The following NAV2 variants were observed in gnomAD, a reference collection of about 807,000 sequenced individuals.
The protein encoded by NAV2 is neuron navigator 2, also known as helicase, APC down-regulated 1.
Under a neutral mutation model 223.2 loss-of-function variants are expected in NAV2, and 54 were observed. That is an observed-to-expected ratio of 0.24 (90% CI 0.19 to 0.30). The LOEUF (loss-of-function observed/expected upper bound fraction) is 0.30, where lower values mean the gene tolerates loss of function less well. NAV2 is among the 10% of genes least tolerant of loss of function. The pLI is 1.00. For synonymous variants in NAV2, 1,279 were observed against 1,239.3 expected (o/e 1.03, Z -0.67); for missense variants, 2,806 against 3,147.5 (o/e 0.89, Z 2.60).
rs568306324 is a variant in NAV2, at chr11:19,941,213, C to G, written c.2146+1440C>G. Among the ~76,000 whole-genome samples, 3 of 152,150 alleles carry G rather than the reference C, an allele frequency of 2.0e-5. No individual in the cohort carries two copies. In the East Asian group the frequency reaches 5.8e-4, roughly 30 times the overall value. Reference sequence around the variant, plus strand: ...ATCTTCCCCTAATTTTTCTTTTTATCTCCATGTCTCCCCTGTACCAGGCCT... The same window carrying G: ...ATCTTCCCCTAATTTTTCTTTTTATGTCCATGTCTCCCCTGTACCAGGCCT... On this transcript the variant is annotated intron_variant, in intron 8 of 37. Transcript: ENST00000349880.
chr11:19,683,196 T>C (rs2048925154), intron 1 of NAV2, among the ~76,000 whole-genome samples: 2 of 152,214 alleles, frequency 1.3e-5, no homozygotes, highest in South Asian at 4.1e-4. Context: ...GTTTGGGAAG[T>C]CATCAGTGGC....
intron 6 of NAV2, among the ~76,000 whole-genome samples, chr11:19,922,184 A>C (rs1412199619): frequency 6.6e-6 from 1 of 151,894 alleles, no homozygotes; most frequent in Non-Finnish European, 1.5e-5. Context: ...TGGGTCTCTC[A>C]CTGTCCAGAC....
chr11:19,641,325 C>T (rs900268930), intron 1 of NAV2, among the ~76,000 whole-genome samples: 3 of 152,120 alleles, frequency 2.0e-5, no homozygotes, highest in Non-Finnish European at 4.4e-5. Flanking sequence ...TGTCTGCCTA[C>T]GAAATAAGTC....
intron 1 of NAV2, among the ~76,000 whole-genome samples, chr11:19,686,707 A>C: frequency 6.6e-6 from 1 of 152,246 alleles, no homozygotes; most frequent in East Asian, 1.9e-4. Flanking sequence ...AGAGCTCCAC[A>C]GTCCTAGACT....
At chr11:19,952,716 A>G (rs144334354) in intron 10 of NAV2, among the ~76,000 whole-genome samples, 200 of 152,218 alleles carry the variant, frequency 1.3e-3, no homozygotes, top group African/African-American at 4.7e-3. Context: ...CTATTTTTTG[A>G]TGCCTCTAGT....
chr11:19,779,635 A>T (rs1421220133), intron 1 of NAV2, among the ~76,000 whole-genome samples: 1 of 152,210 alleles, frequency 6.6e-6, no homozygotes, highest in Admixed American at 6.5e-5. Flanking sequence ...AGGCTGTTTT[A>T]CAACTCTCTT....
intron 1 of NAV2, among the ~76,000 whole-genome samples, chr11:19,499,873 T>A (rs529686979): frequency 6.6e-6 from 1 of 152,332 alleles, no homozygotes; most frequent in African/African-American, 2.4e-5. Flanking sequence ...TTAGATGAGT[T>A]CTAGCATACA....
chr11:19,819,269 T>A (rs1377101829), intron 1 of NAV2, among the ~76,000 whole-genome samples: 1 of 152,156 alleles, frequency 6.6e-6, no homozygotes, highest in Admixed American at 6.5e-5. Flanking sequence ...AATGAGTAAT[T>A]CTGTTAGGAG....
intron 26 of NAV2, among the ~76,000 whole-genome samples, chr11:20,085,767 C>T (rs926677391): frequency 1.3e-5 from 2 of 152,208 alleles, no homozygotes; most frequent in African/African-American, 4.8e-5. Context: ...CATTCTGTGT[C>T]CAGCCAGTGG....
At chr11:20,096,735 G>A (rs1836411424) in intron 30 of NAV2, among the ~76,000 whole-genome samples, 1 of 152,204 alleles carries the variant, frequency 6.6e-6, no homozygotes. Flanking sequence ...GCCTCATACA[G>A]AGAAAATTCT....
At chr11:19,884,195 C>A (rs902822711) in intron 5 of NAV2, 3 of 831,152 alleles carry the variant, frequency 3.6e-6, no homozygotes, top group African/African-American at 1.7e-5. Flanking sequence ...AAAGAAACAG[C>A]AACATCCCCA....
intron 1 of NAV2, among the ~76,000 whole-genome samples, chr11:19,430,277 T>C (rs115817216): frequency 1.1e-3 from 162 of 152,340 alleles, no homozygotes; most frequent in African/African-American, 3.6e-3. Context: ...GGCAGTTTCC[T>C]AGAGTCAGCT....
intron 10 of NAV2, among the ~76,000 whole-genome samples, chr11:19,962,103 C>A (rs1276029630): frequency 6.6e-6 from 1 of 151,508 alleles, no homozygotes; most frequent in Non-Finnish European, 1.5e-5. Flanking sequence ...GCAACATCAA[C>A]TCCTCCCTGG....
At chr11:19,944,532 T>C (rs913998278) in intron 8 of NAV2, among the ~76,000 whole-genome samples, 3 of 150,182 alleles carry the variant, frequency 2.0e-5, no homozygotes, top group African/African-American at 7.3e-5. Flanking sequence ...TTTCCCTTCC[T>C]TTCCATTCCG....
chr11:19,575,592 C>T (rs73422245), intron 1 of NAV2, among the ~76,000 whole-genome samples: 2 of 152,222 alleles, frequency 1.3e-5, no homozygotes, highest in Non-Finnish European at 2.9e-5. Context: ...ATTCTACCCC[C>T]CTATGCAAGT....
At chr11:19,537,613 C>A (rs536773691) in intron 1 of NAV2, among the ~76,000 whole-genome samples, 1 of 152,284 alleles carries the variant, frequency 6.6e-6, no homozygotes, top group East Asian at 1.9e-4. Context: ...GCTCAGCAGC[C>A]ACCAAGTGGA....
chr11:19,753,286 G>A (rs1458414707), intron 1 of NAV2, among the ~76,000 whole-genome samples: 2 of 152,098 alleles, frequency 1.3e-5, no homozygotes, highest in African/African-American at 4.8e-5. Flanking sequence ...CTAGGCCTTT[G>A]CATATTCTGT....
At chr11:19,812,393 A>G (rs2058879493) in intron 1 of NAV2, among the ~76,000 whole-genome samples, 1 of 152,064 alleles carries the variant, frequency 6.6e-6, no homozygotes, top group Admixed American at 6.5e-5. Flanking sequence ...GCATCTTCAT[A>G]GCATTTATTA....
At chr11:19,402,908 G>A (rs1486793487) in intron 1 of NAV2, among the ~76,000 whole-genome samples, 1 of 152,168 alleles carries the variant, frequency 6.6e-6, no homozygotes, top group Admixed American at 6.5e-5. Flanking sequence ...GGGAAAAGGA[G>A]GAGAAAAAAG....
Sources: allele counts gnomAD v4.1 joint callset (sites outside exome capture counted in the v4.1 genomes callset), GRCh38; gene constraint gnomAD v4.1.1; transcripts MANE v1.5; gene names NCBI Gene and HGNC (gene_info 2026-07-23, HGNC 2026-07-21).